The following DMD variants were observed in gnomAD, a reference collection of about 807,000 sequenced individuals.
The protein encoded by DMD is mutant dystrophin.
In DMD, 63 loss-of-function variants were observed where a neutral mutation model predicts 330.1. That is an observed-to-expected ratio of 0.19 (90% confidence interval 0.16 to 0.24). DMD has a LOEUF of 0.24. Ranked by LOEUF, DMD falls within the 10% of genes least tolerant of loss-of-function variation. The pLI is 1.00. For missense variants in DMD, 3,344 were observed against 2,684.1 expected (o/e 1.25, Z -5.43); for synonymous variants, 1,223 against 959.8 (o/e 1.27, Z -5.07).
rs1473732566 is a variant in DMD at position 32,362,925 on chromosome X, T to C, written c.5188A>G (p.Lys1730Glu). 3.3e-6 allele frequency: 4 copies of C among 1,211,159 alleles called. No individual in the cohort carries two copies. The East Asian group carries it at 1.2e-4, about 36-fold the overall frequency. ...GCTTGGTCACGTGTAGAGTCCACCT[T>C]TGGGCGTATGTCATTCAGTTCTGCC... Reference protein sequence around the residue: ...LKAELNDIRPKVDSTRDQAAN... With the variant: ...LKAELNDIRPEVDSTRDQAAN... Residue 1730 changes from lysine (K) to glutamate (E), a missense_variant, in exon 37 of 79, where the codon AAG becomes GAG. Physicochemically the swap from Lys to Glu is moderately conservative, Grantham distance 56. Coordinates refer to ENST00000357033, the MANE Select transcript of DMD (RefSeq NM_004006.3).
chrX:33,044,740 G>A (rs2094353589), intron 1 of DMD, among the ~76,000 whole-genome samples: 1 of 111,667 alleles, frequency 9.0e-6, no homozygotes, highest in African/African-American at 3.3e-5. Flanking sequence ...ATCCAGAGCT[G>A]AAGAGCCGTA....
chrX:31,674,409 A>G (rs982178719), intron 53 of DMD, among the ~76,000 whole-genome samples: 1 of 112,620 alleles, frequency 8.9e-6, no homozygotes, highest in Admixed American at 9.4e-5. Context: ...TCAAAAACAC[A>G]GAGATTTTGC....
chrX:32,735,313 T>A (rs1279138464), intron 7 of DMD, among the ~76,000 whole-genome samples: 1 of 110,388 alleles, frequency 9.1e-6, no homozygotes, highest in Non-Finnish European at 1.9e-5. Flanking sequence ...GTAGGAAGAA[T>A]CAATATCGTG....
intron 7 of DMD, among the ~76,000 whole-genome samples, chrX:32,802,612 A>T (rs915948551): frequency 3.6e-5 from 4 of 111,479 alleles, no homozygotes; most frequent in Non-Finnish European, 7.5e-5. Flanking sequence ...GGCTGTGGGT[A>T]TGTCATAAAT....
chrX:32,233,446 A>C lies in DMD; in HGVS notation c.6291-16383T>G, dbSNP rs1289455098. Among the ~76,000 whole-genome samples, 11 of 110,837 alleles carry C rather than the reference A, an allele frequency of 9.9e-5. No homozygotes were observed. In the Admixed American group the frequency reaches 1.1e-3, roughly 11 times the overall value. On this transcript the variant is annotated intron_variant, in intron 43 of 78. Coordinates refer to ENST00000357033, the MANE Select transcript of DMD (RefSeq NM_004006.3). ...AGGTTCATGAATATCAAAGTTTTTGAGTTCATTTATGCAGAAGTAGTTTAT... is the reference window on the plus strand; with the variant it reads ...AGGTTCATGAATATCAAAGTTTTTGCGTTCATTTATGCAGAAGTAGTTTAT...
At chrX:32,589,968 G>A (rs1427007639) in intron 13 of DMD, among the ~76,000 whole-genome samples, 1 of 111,708 alleles carries the variant, frequency 9.0e-6, no homozygotes, top group Non-Finnish European at 1.9e-5. Context: ...GAGAAAGATA[G>A]ACTCACCTTA....
chrX:31,416,282 A>G (rs2061868411), intron 60 of DMD, among the ~76,000 whole-genome samples: 1 of 112,229 alleles, frequency 8.9e-6, no homozygotes, highest in South Asian at 3.7e-4. Flanking sequence ...AGATATCGCA[A>G]ATGTGTTTTT....
At chrX:32,922,605 T>TCA (rs757754568) in intron 2 of DMD, among the ~76,000 whole-genome samples, 1 of 112,258 alleles carries the variant, frequency 8.9e-6, no homozygotes, top group African/African-American at 3.2e-5. Flanking sequence ...CATGCGCAGG[T>TCA]CACAATAGGG....
chrX:32,572,912 C>T (rs1479618567), intron 15 of DMD, among the ~76,000 whole-genome samples: 1 of 110,815 alleles, frequency 9.0e-6, no homozygotes, highest in Admixed American at 9.7e-5. Context: ...TTAAAAGAGT[C>T]TGGGACCTTC....
intron 30 of DMD, among the ~76,000 whole-genome samples, chrX:32,391,282 G>A (rs1220285939): frequency 1.8e-5 from 2 of 111,057 alleles, no homozygotes; most frequent in Non-Finnish European, 3.8e-5. Flanking sequence ...TTTGCATAAC[G>A]TATATTAGTG....
intron 34 of DMD, among the ~76,000 whole-genome samples, chrX:32,367,273 C>T (rs12856332): frequency 0.42 from 46,144 of 110,103 alleles, 7,465 homozygotes; most frequent in East Asian, 0.71. Flanking sequence ...TGGGATAAAA[C>T]GGTAGAGAAG....
intron 1 of DMD, among the ~76,000 whole-genome samples, chrX:33,210,667 A>G (rs2051851614): frequency 8.9e-6 from 1 of 111,827 alleles, no homozygotes; most frequent in African/African-American, 3.2e-5. Flanking sequence ...TGAAATAATT[A>G]TCATGATATG....
intron 2 of DMD, among the ~76,000 whole-genome samples, chrX:32,961,217 T>C (rs188200417): frequency 9.0e-6 from 1 of 111,579 alleles, no homozygotes; most frequent in Non-Finnish European, 1.9e-5. Flanking sequence ...ATTCATTTAT[T>C]TCCTGCATTA....
At chrX:31,657,859 G>T in intron 54 of DMD, 131 bp downstream of exon 54, 2 of 641,106 alleles carry the variant, frequency 3.1e-6, no homozygotes, top group Non-Finnish European at 4.9e-6. Flanking sequence ...GAGTTTAGTT[G>T]GTATTTATCG....
intron 44 of DMD, among the ~76,000 whole-genome samples, chrX:32,006,701 T>A (rs1417751766): frequency 9.0e-6 from 1 of 110,846 alleles, no homozygotes; most frequent in Non-Finnish European, 1.9e-5. Context: ...TCTTTGAAGA[T>A]GTAATTAGTT....
chrX:32,368,026 A>G (rs1247604564), intron 34 of DMD, among the ~76,000 whole-genome samples: 3 of 111,971 alleles, frequency 2.7e-5, no homozygotes, highest in African/African-American at 6.5e-5. Flanking sequence ...GTGTTAATTT[A>G]GTAGGCCTTA....
intron 19 of DMD, among the ~76,000 whole-genome samples, chrX:32,494,352 A>C (rs1033460232): frequency 9.0e-6 from 1 of 111,591 alleles, no homozygotes; most frequent in Non-Finnish European, 1.9e-5. Context: ...CAGGCAATGA[A>C]AATGCAGTGA....
In DMD at chrX:32,787,243, TGTGTGA is replaced by T. The variant is rs1474092898; in HGVS notation, c.649+22244_649+22249del. On this transcript the variant is annotated intron_variant, in intron 7 of 78. Transcript: ENST00000357033. ...GTGTGTGTGTGTGTGTGTGTGTGTG[TGTGTGA>T]GAGAGAGAGAGAGAGAGAGAGAGAA... Among the ~76,000 whole-genome samples, 415 of 93,544 alleles carry T rather than the reference TGTGTGA, an allele frequency of 4.4e-3. 2 individuals carry two copies. The highest frequency in any genetic ancestry group is 0.01 in the African/African-American group (263 of 25,255). 81.2% of individuals were successfully genotyped at this position (93,544 alleles called of 115,157 possible).
chrX:32,679,308 C>T (rs971526467), intron 9 of DMD, among the ~76,000 whole-genome samples: 4 of 107,973 alleles, frequency 3.7e-5, no homozygotes, highest in Non-Finnish European at 7.7e-5. Flanking sequence ...ACTAGAAAAA[C>T]AATAGAAAAT....
Sources: gnomAD v4.1 joint callset for allele counts (sites outside exome capture counted in the v4.1 genomes callset) on GRCh38, gnomAD v4.1.1 for gene constraint, MANE v1.5 for transcripts, NCBI Gene and HGNC (gene_info 2026-07-23, HGNC 2026-07-21) for gene names.